NFAT5: variants seen among roughly 807,000 people sequenced by gnomAD.
NFAT5 encodes the protein nuclear factor of activated T cells 5, also known as nuclear factor of activated T-cells 5.
A neutral mutation model predicts 166.5 loss-of-function variants in NFAT5; 31 were observed. That is an observed-to-expected ratio of 0.19 (90% CI 0.14 to 0.25). The LOEUF (loss-of-function observed/expected upper bound fraction) is 0.25. Among genes scored for constraint, NFAT5 ranks in the 10% least tolerant of loss-of-function variants. The pLI is 1.00. For missense variants in NFAT5, 1,449 were observed against 1,821.8 expected (o/e 0.80, Z 3.72); for synonymous variants, 612 against 639.7 (o/e 0.96, Z 0.65).
chr16:69,655,711 C>A lies in NFAT5; in HGVS notation c.1108C>A (p.Arg370=), dbSNP rs2035848250. ...TTATCAGGCCTGCAGAGTAACTGGA[C>A]GAAATACAACTCCTTGCAAAGAAGT... ...GFYQACRVTG[R]NTTPCKEVDI... Residue 370 remains arginine, a synonymous_variant, in exon 6 of 15, where the codon CGA becomes AGA. Transcript: ENST00000349945. The A allele has an allele frequency of 6.2e-7, 1 of 1,613,678 alleles. No individual in the cohort carries two copies. The highest frequency in any genetic ancestry group is 1.3e-5 in the African/African-American group (1 of 74,874).
At chr16:69,652,329 G>T (rs998165218) in intron 4 of NFAT5, among the ~76,000 whole-genome samples, 1 of 151,910 alleles carries the variant, frequency 6.6e-6, no homozygotes, top group Non-Finnish European at 1.5e-5. Context: ...GCACACGCCT[G>T]TAATCCCAGC....
chr16:69,602,509 C>G (rs1407568861), intron 2 of NFAT5, among the ~76,000 whole-genome samples: 1 of 151,804 alleles, frequency 6.6e-6, no homozygotes, highest in Admixed American at 6.6e-5. Flanking sequence ...CTCAGGTGAT[C>G]CGCCACCTCA....
chr16:69,627,844 G>T (rs2034538008), intron 3 of NFAT5, among the ~76,000 whole-genome samples: 1 of 152,034 alleles, frequency 6.6e-6, no homozygotes, highest in Non-Finnish European at 1.5e-5. Flanking sequence ...TGGCTCTGAT[G>T]ATATTTTTCT....
intron 7 of NFAT5, among the ~76,000 whole-genome samples, chr16:69,669,393 A>G (rs2036534187): frequency 6.6e-6 from 1 of 152,094 alleles, no homozygotes; most frequent in Non-Finnish European, 1.5e-5. Context: ...AAAAATACAA[A>G]AATTAGCTGG....
chr16:69,568,642 C>A, intron 2 of NFAT5, 94 bp downstream of exon 2: 1 of 974,928 alleles, frequency 1.0e-6, no homozygotes, highest in African/African-American at 1.6e-5. Flanking sequence ...ACTTTGCAAA[C>A]TCACACAATG....
At chr16:69,602,798 A>G (rs1333750210) in intron 2 of NFAT5, among the ~76,000 whole-genome samples, 2 of 149,354 alleles carry the variant, frequency 1.3e-5, no homozygotes, top group Non-Finnish European at 3.0e-5. Flanking sequence ...TTTGGTAGAG[A>G]TAAGGTTTTG....
chr16:69,610,947 T>A (rs2033679051), intron 2 of NFAT5, among the ~76,000 whole-genome samples: 1 of 152,162 alleles, frequency 6.6e-6, no homozygotes, highest in Non-Finnish European at 1.5e-5. Context: ...GACTGAAAGC[T>A]TTTTGGGAGC....
chr16:69,649,953 G>A (rs563756382), intron 4 of NFAT5, among the ~76,000 whole-genome samples: 6 of 151,388 alleles, frequency 4.0e-5, no homozygotes, highest in African/African-American at 1.2e-4. Context: ...AGTCTAATAA[G>A]AGAATAAAAC....
chr16:69,625,208 G>A (rs2034400958), intron 2 of NFAT5, among the ~76,000 whole-genome samples: 1 of 151,818 alleles, frequency 6.6e-6, no homozygotes, highest in Non-Finnish European at 1.5e-5. Context: ...AGCTCTAATT[G>A]GTTTTTTGAA....
intron 3 of NFAT5, among the ~76,000 whole-genome samples, chr16:69,645,200 CA>C (rs1363287213): frequency 6.6e-6 from 1 of 152,154 alleles, no homozygotes; most frequent in African/African-American, 2.4e-5. Flanking sequence ...GTAGTTTTTA[CA>C]AACTTTTAAA....
intron 6 of NFAT5, among the ~76,000 whole-genome samples, chr16:69,658,136 G>A (rs572002593): frequency 6.6e-6 from 1 of 151,312 alleles, no homozygotes; most frequent in East Asian, 1.9e-4. Flanking sequence ...TATAGTAGAG[G>A]AGGAAAGGAA....
intron 4 of NFAT5, chr16:69,648,626 T>C (rs2035548147): frequency 1.0e-6 from 1 of 978,860 alleles, no homozygotes; most frequent in Non-Finnish European, 1.2e-6. Context: ...CAGACTAGTA[T>C]GACTTTTAAT....
chr16:69,675,037 T>C (rs2036777789), intron 9 of NFAT5, among the ~76,000 whole-genome samples: 1 of 152,202 alleles, frequency 6.6e-6, no homozygotes, highest in African/African-American at 2.4e-5. Context: ...TGATCACTAG[T>C]GACAGTTTAC....
In NFAT5 at chr16:69,588,980, C is replaced by CTTTTTTTTTT. The variant is rs945918292; in HGVS notation, c.127+20454_127+20463dup. On this transcript the variant is annotated intron_variant, in intron 2 of 14. Coordinates refer to ENST00000349945, the MANE Select transcript of NFAT5 (RefSeq NM_138713.4). Reference sequence around the variant, plus strand: ...GACCCTCCCTCCTCTTTTCCTACTTCTTTTTTTTTTTTTTTTTTTTTTTTT... The same window carrying CTTTTTTTTTT: ...GACCCTCCCTCCTCTTTTCCTACTTCTTTTTTTTTTTTTTTTTTTTTTTTTTTTTTTTTTT... Among the ~76,000 whole-genome samples the CTTTTTTTTTT allele has an allele frequency of 2.4e-3, 83 of 34,362 alleles. 7 individuals are homozygous for CTTTTTTTTTT. Among genetic ancestry groups the CTTTTTTTTTT allele is most frequent in the Non-Finnish European group, 3.8e-3 (61 of 15,882 alleles). 22.5% of individuals were successfully genotyped at this position (34,362 alleles called of 152,430 possible).
intron 3 of NFAT5, among the ~76,000 whole-genome samples, chr16:69,628,498 A>G (rs887727516): frequency 1.3e-5 from 2 of 152,168 alleles, no homozygotes; most frequent in African/African-American, 4.8e-5. Context: ...TTAGCAACCA[A>G]TGTAGATTAT....
chr16:69,681,010 T>C (rs2037038799), intron 10 of NFAT5, among the ~76,000 whole-genome samples: 1 of 152,218 alleles, frequency 6.6e-6, no homozygotes, highest in Non-Finnish European at 1.5e-5. Context: ...TCCGCCCGCC[T>C]CAGCCTCCCA....
intron 2 of NFAT5, among the ~76,000 whole-genome samples, chr16:69,623,758 C>T (rs147958204): frequency 0.01 from 1,587 of 151,608 alleles, 22 homozygotes; most frequent in Non-Finnish European, 0.015. Context: ...CTGCCTGCCT[C>T]GGCCTCCCAA....
chr16:69,677,418 C>A, intron 10 of NFAT5, 83 bp downstream of exon 10: 3 of 1,195,516 alleles, frequency 2.5e-6, no homozygotes, highest in Non-Finnish European at 3.4e-6. Flanking sequence ...ACTAGCCAAC[C>A]AAAAAGAAAG....
chr16:69,658,110 TA>T (rs1326986122), intron 6 of NFAT5, among the ~76,000 whole-genome samples: 1 of 148,116 alleles, frequency 6.8e-6, no homozygotes, highest in Non-Finnish European at 1.5e-5. Flanking sequence ...TAAAGTAAAA[TA>T]AATAAATAAA....
Sources: gnomAD v4.1 joint callset for allele counts (sites outside exome capture counted in the v4.1 genomes callset) on GRCh38, gnomAD v4.1.1 for gene constraint, MANE v1.5 for transcripts, NCBI Gene and HGNC (gene_info 2026-07-23, HGNC 2026-07-21) for gene names.